Variants in COL28A1 observed in about 807,000 individuals in gnomAD.
The protein encoded by COL28A1 is collagen type XXVIII alpha 1 chain, also known as collagen alpha-1(XXVIII) chain.
In COL28A1, 161 loss-of-function variants were observed where a neutral mutation model predicts 150.2. That is an observed-to-expected ratio of 1.07 (90% CI 0.94 to 1.22). COL28A1 has a LOEUF of 1.22. Among genes scored for constraint, COL28A1 ranks in the 50% most tolerant of loss-of-function variants. The pLI is 0.00. For synonymous variants in COL28A1, 552 were observed against 469.7 expected, an observed-to-expected ratio of 1.18 and a Z score of -2.26; for missense variants, 1,617 against 1,388.3, an observed-to-expected ratio of 1.16 and a Z score of -2.62.
intron 12 of COL28A1, 57 bp downstream of exon 12, chr7:7,490,521 C>A: frequency 1.2e-6 from 1 of 823,144 alleles, no homozygotes; most frequent in East Asian, 2.5e-5. Flanking sequence ...CATGGCTCCC[C>A]CAGGCCCTAC....
At chr7:7,458,451 A>C (rs974062951) in intron 15 of COL28A1, among the ~76,000 whole-genome samples, 16 of 151,990 alleles carry the variant, frequency 1.1e-4, no homozygotes, top group Admixed American at 3.9e-4. Context: ...AACAAACAAA[A>C]AAAACAAACA....
chr7:7,414,409 T>G (rs1178860107), intron 27 of COL28A1, among the ~76,000 whole-genome samples: 1 of 152,166 alleles, frequency 6.6e-6, no homozygotes, highest in Non-Finnish European at 1.5e-5. Flanking sequence ...CAGACATCTG[T>G]GGTTGGGAAA....
chr7:7,462,645 G>T (rs1318109783), intron 15 of COL28A1, among the ~76,000 whole-genome samples: 1 of 152,136 alleles, frequency 6.6e-6, no homozygotes, highest in Non-Finnish European at 1.5e-5. Context: ...GACTACCTGA[G>T]GTCAGGAGTT....
the COL28A1 span, among the ~76,000 whole-genome samples, chr7:7,344,050 A>T: frequency 9.2e-5 from 14 of 152,076 alleles, 1 homozygote; most frequent in South Asian, 2.9e-3. Flanking sequence ...TGCATTTCTT[A>T]ATTTCTTACA....
chr7:7,385,135 G>T (rs73047822), intron 27 of COL28A1, among the ~76,000 whole-genome samples: 4,435 of 152,284 alleles, frequency 0.029, 105 homozygotes, highest in Non-Finnish European at 0.047. Context: ...GAAAACAAAC[G>T]CAAATAGTAT....
chr7:7,530,747 CTG>C (rs1782303071), intron 3 of COL28A1, among the ~76,000 whole-genome samples: 1 of 152,084 alleles, frequency 6.6e-6, no homozygotes, highest in Admixed American at 6.6e-5. Context: ...ATGGGAGAAA[CTG>C]TTGCTTGACT....
chr7:7,394,628 G>A (rs995924429), intron 27 of COL28A1, among the ~76,000 whole-genome samples: 2 of 152,086 alleles, frequency 1.3e-5, no homozygotes, highest in Non-Finnish European at 2.9e-5. Flanking sequence ...AAACCAGCAG[G>A]ATTGTCCACT....
intron 25 of COL28A1, among the ~76,000 whole-genome samples, chr7:7,420,939 T>A (rs1376729245): frequency 1.3e-5 from 2 of 152,222 alleles, no homozygotes; most frequent in African/African-American, 4.8e-5. Context: ...GTTTGGTGGT[T>A]TAAGGTTCAA....
At chr7:7,428,546 G>A (rs1031548822) in intron 25 of COL28A1, among the ~76,000 whole-genome samples, 1 of 152,158 alleles carries the variant, frequency 6.6e-6, no homozygotes, top group Non-Finnish European at 1.5e-5. Context: ...GCAGCTCCTC[G>A]AAGAGAAATG....
chr7:7,412,180 G>A (rs1562578006), intron 27 of COL28A1, among the ~76,000 whole-genome samples: 1 of 152,028 alleles, frequency 6.6e-6, no homozygotes, highest in African/African-American at 2.4e-5. Flanking sequence ...TCCTGGCCAC[G>A]AGTTTATGAA....
chr7:7,443,473 A>T (rs1785975213), intron 20 of COL28A1, 112 bp downstream of exon 20: 2 of 1,478,200 alleles, frequency 1.4e-6, no homozygotes, highest in African/African-American at 1.4e-5. Flanking sequence ...CTTTTAAGCC[A>T]GACATAAACA....
chr7:7,481,718 G>A (rs764753719), intron 13 of COL28A1, among the ~76,000 whole-genome samples: 1 of 152,126 alleles, frequency 6.6e-6, no homozygotes, highest in Non-Finnish European at 1.5e-5. Flanking sequence ...ATTACTTTCC[G>A]TAGTAATCTC....
chr7:7,442,210 C>T (rs1749011244), intron 20 of COL28A1, among the ~76,000 whole-genome samples: 1 of 152,194 alleles, frequency 6.6e-6, no homozygotes, highest in African/African-American at 2.4e-5. Flanking sequence ...TTGGTGGCAT[C>T]TGATACCACC....
intron 27 of COL28A1, among the ~76,000 whole-genome samples, chr7:7,382,304 C>G (rs1465906371): frequency 4.0e-5 from 6 of 150,586 alleles, no homozygotes; most frequent in Non-Finnish European, 8.9e-5. Flanking sequence ...GAATGAAACT[C>G]TATCTCAAAA....
intron 23 of COL28A1, among the ~76,000 whole-genome samples, chr7:7,435,100 A>G (rs1477175718): frequency 6.6e-6 from 1 of 152,218 alleles, no homozygotes. Flanking sequence ...GAAGAGGCAA[A>G]TATCTTTAAA....
At chr7:7,401,050 G>A (rs1461094296) in intron 27 of COL28A1, among the ~76,000 whole-genome samples, 3 of 140,460 alleles carry the variant, frequency 2.1e-5, no homozygotes, top group Non-Finnish European at 4.5e-5. Flanking sequence ...AGTCACCAAT[G>A]ACTTCCAGGT....
intron 4 of COL28A1, 133 bp from the exon 5 acceptor site, chr7:7,522,094 G>C (rs755911373): frequency 1.4e-6 from 1 of 708,046 alleles, no homozygotes; most frequent in Non-Finnish European, 2.6e-6. Flanking sequence ...ATTGTATTCA[G>C]TATATAACCA....
intron 23 of COL28A1, 139 bp downstream of exon 23, chr7:7,436,256 A>T: frequency 1.5e-6 from 1 of 660,418 alleles, no homozygotes. Context: ...TGTTTTTTTA[A>T]AAAAAGGGAA....
intron 30 of COL28A1, among the ~76,000 whole-genome samples, 183 bp downstream of exon 30, chr7:7,380,477 C>T (rs1341510582): frequency 6.6e-6 from 1 of 152,046 alleles, no homozygotes; most frequent in African/African-American, 2.4e-5. Context: ...TTTATCTCTC[C>T]CCTCATAGTC....
Sources: allele counts gnomAD v4.1 joint callset (sites outside exome capture counted in the v4.1 genomes callset), GRCh38; gene constraint gnomAD v4.1.1; transcripts MANE v1.5; gene names NCBI Gene and HGNC (gene_info 2026-07-23, HGNC 2026-07-21).